NXPE2: variants seen among roughly 807,000 people sequenced by gnomAD.
The protein encoded by NXPE2 is neurexophilin and PC-esterase domain family member 2.
In NXPE2, 34 loss-of-function variants were observed where a neutral mutation model predicts 34.4. The ratio of observed to expected loss-of-function variants is 0.99; its 90% CI spans 0.75 to 1.31. The LOEUF (loss-of-function observed/expected upper bound fraction) is 1.31. Among genes scored for constraint, NXPE2 ranks in the 40% most tolerant of loss-of-function variants. The pLI is 0.00. For synonymous variants in NXPE2, 235 were observed against 231.3 expected, an observed-to-expected ratio of 1.02 and a Z score of -0.15; for missense variants, 649 against 672.5, an observed-to-expected ratio of 0.97 and a Z score of 0.39.
At chr11:114,789,779 C>T in the NXPE2 span, among the ~76,000 whole-genome samples, 2 of 152,190 alleles carry the variant, frequency 1.3e-5, no homozygotes, top group African/African-American at 4.8e-5. Flanking sequence ...ACTCGCTCCA[C>T]TTATCTCCAT....
At chr11:114,571,044 A>T in the NXPE2 span, 2 of 1,613,602 alleles carry the variant, frequency 1.2e-6, no homozygotes, top group Admixed American at 1.7e-5. Context: ...GGCATCAATG[A>T]TACTCACACT....
the NXPE2 span, among the ~76,000 whole-genome samples, chr11:114,608,648 T>C: frequency 1.3e-5 from 2 of 151,840 alleles, no homozygotes; most frequent in Admixed American, 1.3e-4. Flanking sequence ...GCCTCGAGGG[T>C]AACCACTGTT....
chr11:114,701,103 T>C lies in NXPE2; in HGVS notation c.866+2325T>C, dbSNP rs1210478874. Among the ~76,000 whole-genome samples the C allele has an allele frequency of 2.6e-5, 4 of 152,114 alleles. No individual in the cohort carries two copies. The East Asian group carries it at 7.7e-4, about 29-fold the overall frequency. The stretch of plus-strand genomic sequence containing the variant: ...TATGGAAAAATCTCTTTATCCCCTA[T>C]GGCTCAGCTAAAAGAAGCTGGGATT... On this transcript the variant is annotated intron_variant, in intron 3 of 5. Coordinates refer to ENST00000389586, the MANE Select transcript of NXPE2 (RefSeq NM_182495.6).
At chr11:114,580,521 T>C in the NXPE2 span, among the ~76,000 whole-genome samples, 2 of 152,296 alleles carry the variant, frequency 1.3e-5, no homozygotes, top group East Asian at 3.9e-4. Flanking sequence ...TTTTCTCTGA[T>C]GTGAATTTCC....
the NXPE2 span, among the ~76,000 whole-genome samples, chr11:114,602,925 AAT>A: frequency 6.7e-6 from 1 of 149,298 alleles, no homozygotes; most frequent in South Asian, 2.1e-4. Flanking sequence ...ATAATAATCT[AAT>A]ATATAATTAC....
chr11:114,643,493 A>C, the NXPE2 span, among the ~76,000 whole-genome samples: 1 of 152,020 alleles, frequency 6.6e-6, no homozygotes, highest in East Asian at 1.9e-4. Context: ...AGTTTTCCCA[A>C]CACCATTTAT....
chr11:114,623,973 G>A, the NXPE2 span, among the ~76,000 whole-genome samples: 1 of 152,114 alleles, frequency 6.6e-6, no homozygotes, highest in Admixed American at 6.5e-5. Context: ...TGGATAAGAA[G>A]TATTGCCTCG....
chr11:114,625,798 G>A, the NXPE2 span, among the ~76,000 whole-genome samples: 1 of 152,116 alleles, frequency 6.6e-6, no homozygotes, highest in South Asian at 2.1e-4. Flanking sequence ...CAGACAGTGG[G>A]TGCAGGTCAG....
chr11:114,618,203 T>C, the NXPE2 span, among the ~76,000 whole-genome samples: 6 of 152,076 alleles, frequency 3.9e-5, no homozygotes, highest in African/African-American at 9.6e-5. Context: ...TATTGCCTCA[T>C]TGGTCACCAC....
the NXPE2 span, among the ~76,000 whole-genome samples, chr11:114,650,423 C>T: frequency 4.4e-3 from 672 of 152,232 alleles, 6 homozygotes; most frequent in African/African-American, 0.015. Context: ...TCAGAGAAGA[C>T]CAGGAGATTG....
chr11:114,522,294 G>T, the NXPE2 span: 1 of 1,614,054 alleles, frequency 6.2e-7, no homozygotes. Context: ...CTAAAGTGCT[G>T]GCCAAAGGTG....
the NXPE2 span, among the ~76,000 whole-genome samples, chr11:114,764,459 T>C: frequency 6.6e-6 from 1 of 151,134 alleles, no homozygotes; most frequent in South Asian, 2.1e-4. Context: ...GAGGCTTCTG[T>C]GTGTGCGCCT....
chr11:114,469,507 T>C, the NXPE2 span, among the ~76,000 whole-genome samples: 2 of 152,062 alleles, frequency 1.3e-5, no homozygotes, highest in Non-Finnish European at 2.9e-5. Flanking sequence ...ACTTTTTTTT[T>C]GAGACGGAGT....
chr11:114,655,131 AAGT>A, the NXPE2 span, among the ~76,000 whole-genome samples: 13,409 of 152,060 alleles, frequency 0.088, 730 homozygotes, highest in Middle Eastern at 0.2. Context: ...TTCTTTCGAG[AAGT>A]GTCTGTTCAT....
At chr11:114,565,866 T>A in the NXPE2 span, among the ~76,000 whole-genome samples, 1 of 151,982 alleles carries the variant, frequency 6.6e-6, no homozygotes. Flanking sequence ...AGGAAAGAGG[T>A]GATACTGTTT....
the NXPE2 span, among the ~76,000 whole-genome samples, chr11:114,518,784 A>C: frequency 3.3e-5 from 5 of 152,350 alleles, no homozygotes; most frequent in African/African-American, 1.2e-4. Flanking sequence ...TCAGCCCAGG[A>C]AGGTTAAATG....
chr11:114,522,350 C>T, the NXPE2 span: 565 of 1,613,974 alleles, frequency 3.5e-4, no homozygotes, highest in African/African-American at 5.8e-3. Flanking sequence ...GTCAATTTCC[C>T]GAGGGATATA....
the NXPE2 span, among the ~76,000 whole-genome samples, chr11:114,740,868 T>G: frequency 1.3e-5 from 2 of 152,226 alleles, no homozygotes; most frequent in East Asian, 3.8e-4. Context: ...TGCATATGTA[T>G]GTAGAATTAT....
intron 2 of NXPE2, among the ~76,000 whole-genome samples, chr11:114,685,800 TG>T (rs1373402812): frequency 6.6e-6 from 1 of 152,204 alleles, no homozygotes; most frequent in East Asian, 1.9e-4. Context: ...CAAAACTTTT[TG>T]TTTTTCCTTG....
Sources: gnomAD v4.1 joint callset for allele counts (sites outside exome capture counted in the v4.1 genomes callset) on GRCh38, gnomAD v4.1.1 for gene constraint, MANE v1.5 for transcripts, NCBI Gene and HGNC (gene_info 2026-07-23, HGNC 2026-07-21) for gene names.